Variants in COMMD5 observed in about 807,000 individuals in gnomAD.
COMMD5 encodes the protein COMM domain-containing protein 5.
In COMMD5, 10 loss-of-function variants were observed where a neutral mutation model predicts 6.9. That is an observed-to-expected ratio of 1.44 (90% CI 0.89 to 2.45). The LOEUF is 2.45. COMMD5 is among the 30% of genes most tolerant of loss of function. COMMD5 has a pLI of 0.00. For synonymous variants in COMMD5, 127 were observed against 125.3 expected (o/e 1.01, Z -0.09); for missense variants, 234 against 287.8 (o/e 0.81, Z 1.35).
downstream of COMMD5, chr8:144,838,186 C>T (rs1218802204): frequency 2.1e-5 from 15 of 701,444 alleles, no homozygotes; most frequent in Non-Finnish European, 3.4e-5. Flanking sequence ...CTTCACACGG[C>T]TGCCTTCTCC....
chr8:144,842,399 A>G (rs945780826), intron 1 of COMMD5: 1 of 1,613,992 alleles, frequency 6.2e-7, no homozygotes, highest in Non-Finnish European at 8.5e-7. Flanking sequence ...CTGAGTCAGC[A>G]TCAGCTGATT....
chr8:144,841,028 C>A (rs1040250993), downstream of COMMD5: 1 of 263,710 alleles, frequency 3.8e-6, no homozygotes, highest in African/African-American at 2.2e-5. Context: ...AGCTTCCCAC[C>A]CTTCTGGTCT....
At chr8:144,844,969 A>G (rs948141608) in intron 1 of COMMD5, among the ~76,000 whole-genome samples, 12 of 151,980 alleles carry the variant, frequency 7.9e-5, no homozygotes, top group African/African-American at 2.9e-4. Flanking sequence ...AAAGAACTTG[A>G]GCTGCAGTGG....
intron 1 of COMMD5, chr8:144,852,626 G>A (rs1830797616): frequency 6.6e-6 from 1 of 152,360 alleles, no homozygotes; most frequent in Admixed American, 6.5e-5. Flanking sequence ...CCAGCACCAG[G>A]AGCTCCTTCC....
At chr8:144,847,534 C>A (rs2130765594), downstream of COMMD5, 1 of 152,338 alleles carries the variant, frequency 6.6e-6, no homozygotes, top group African/African-American at 2.4e-5. Flanking sequence ...TTTATCTCAA[C>A]TATCAGAATA....
downstream of COMMD5, among the ~76,000 whole-genome samples, chr8:144,848,707 T>G (rs1830616528): frequency 6.6e-6 from 1 of 152,182 alleles, no homozygotes; most frequent in South Asian, 2.1e-4. Flanking sequence ...TGTAGGGATC[T>G]CAAGTCCAAC....
chr8:144,843,438 T>A (rs551460076), intron 1 of COMMD5: 321 of 275,530 alleles, frequency 1.2e-3, no homozygotes, highest in Middle Eastern at 3.3e-3. Context: ...AATACAAAAA[T>A]TTAGCTGGGC....
chr8:144,838,424 C>T (rs886898209), downstream of COMMD5: 44 of 423,696 alleles, frequency 1.0e-4, no homozygotes, highest in Middle Eastern at 6.2e-4. Flanking sequence ...GGCAGGCGCC[C>T]GGCCTGGTGC....
At chr8:144,842,274 T>G (rs1830034251) in intron 1 of COMMD5, 1 of 1,613,812 alleles carries the variant, frequency 6.2e-7, no homozygotes, top group Admixed American at 1.7e-5. Context: ...GGGAGAAAGC[T>G]CAAATTCTAA....
At chr8:144,842,845 C>T in intron 1 of COMMD5, 1 of 1,614,192 alleles carries the variant, frequency 6.2e-7, no homozygotes, top group Non-Finnish European at 8.5e-7. Flanking sequence ...AGGGGTGAAG[C>T]CCTATGAGTG....
At chr8:144,841,326 A>T in exon 2 of COMMD5, 7 of 1,575,052 alleles carry the variant, frequency 4.4e-6, no homozygotes, top group Non-Finnish European at 5.2e-6. Flanking sequence ...ACAGGGCCTA[A>T]GGAACGTCTT....
At chr8:144,844,098 G>A (rs1021253864) in intron 1 of COMMD5, among the ~76,000 whole-genome samples, 2 of 152,222 alleles carry the variant, frequency 1.3e-5, no homozygotes, top group Non-Finnish European at 2.9e-5. Flanking sequence ...GGTCACACTT[G>A]TGTCCCAGGG....
chr8:144,844,400 TA>T (rs1239680962), intron 1 of COMMD5, among the ~76,000 whole-genome samples: 22 of 151,666 alleles, frequency 1.5e-4, no homozygotes, highest in African/African-American at 4.4e-4. Flanking sequence ...GAGGAGGAAA[TA>T]AAGACAGTGG....
exon 2 of COMMD5, chr8:144,841,724 G>C (rs895000955): frequency 1.9e-6 from 3 of 1,614,036 alleles, no homozygotes; most frequent in Non-Finnish European, 2.5e-6. Context: ...AAAGGCATCA[G>C]AGCCACTTCA....
rs577145716 is a variant in COMMD5 at position 144,841,055 on chromosome 8, C to G, written c.*805G>C. ...TTCTGGTCTTGCTTTGTCTCCTTTG[C>G]CTCTGCATGGACTGTGCCCCACACC... On this transcript the variant is annotated 3_prime_UTR_variant and NMD_transcript_variant, in exon 2 of 2. Coordinates refer to the COMMD5 transcript ENST00000530332. 1.2e-5 allele frequency: 4 copies of G among 324,944 alleles called. No individual in the cohort carries two copies. The South Asian group carries it at 2.4e-4, about 19-fold the overall frequency. The allele number at this position is 324,944 out of a possible 1,614,324, so 20.1% of individuals were successfully genotyped here. A position where few individuals can be genotyped will look rare whatever the true frequency, so the allele number is the denominator to read the frequency against.
rs181352666 is a variant in COMMD5, at chr8:144,851,915, A to T, written c.-57-520T>A. ...CACTTTGTGAAGGTGAGGCCAGCGG[A>T]TCGCTTGAGCCCAGGAGTTGGAGAC... is the stretch of plus-strand genomic sequence containing the variant. On this transcript the variant is annotated intron_variant, in intron 1 of 1. Transcript: ENST00000305103. 3.0e-4 allele frequency among the ~76,000 whole-genome samples: 45 copies of T among 152,228 alleles called. No individual in the cohort carries two copies. In the East Asian group the frequency reaches 8.7e-3, roughly 30 times the overall value.
At chr8:144,846,378 T>A (rs1190457134), downstream of COMMD5, 9 of 582,770 alleles carry the variant, frequency 1.5e-5, no homozygotes, top group Non-Finnish European at 2.4e-5. Flanking sequence ...AAGAGACTTG[T>A]GACATTTGAA....
At chr8:144,851,561 A>G (rs1008960599) in intron 1 of COMMD5, among the ~76,000 whole-genome samples, 166 bp from the exon 2 acceptor site, 1 of 151,994 alleles carries the variant, frequency 6.6e-6, no homozygotes. Flanking sequence ...GGTCCATGTC[A>G]GTCCCAGGAG....
Position 144,850,468 on chromosome 8 carries a change from T to C in COMMD5, c.*196A>G. On this transcript the variant is annotated 3_prime_UTR_variant, in exon 2 of 2. Coordinates refer to ENST00000305103, the MANE Select transcript of COMMD5 (RefSeq NM_014066.4). The surrounding 1 kb of genome is among the most constrained non-coding windows in gnomAD (Gnocchi z 4.0). ...CCTATAGAAACATGTTTTTAGCTGC[T>C]TTACTTCCAAAAAGAAAAAAAGGCA... 1.6e-6 allele frequency: 1 copy of C among 640,666 alleles called. No homozygotes were observed. The highest frequency in any genetic ancestry group is 2.6e-6 in the Non-Finnish European group (1 of 382,498). The allele number at this position is 640,666 out of a possible 1,614,324, so 39.7% of individuals were successfully genotyped here.
Sources: allele counts gnomAD v4.1 joint callset (sites outside exome capture counted in the v4.1 genomes callset), GRCh38; gene constraint gnomAD v4.1.1; non-coding constraint Gnocchi (gnomAD v3.1); transcripts MANE v1.5; gene names NCBI Gene and HGNC (gene_info 2026-07-23, HGNC 2026-07-21).